The following REV3L variants were observed in gnomAD, a reference collection of about 807,000 sequenced individuals.
REV3L encodes the protein DNA polymerase zeta catalytic subunit.
Under a neutral mutation model 299.4 loss-of-function variants are expected in REV3L, and 69 were observed. The observed-to-expected ratio is 0.23, with a 90% CI of 0.19 to 0.28. The LOEUF is 0.28. Among genes scored for constraint, REV3L ranks in the 10% least tolerant of loss-of-function variants. The pLI is 1.00. For missense variants in REV3L, 3,128 were observed against 3,693.8 expected (o/e 0.85, Z 3.97); for synonymous variants, 1,238 against 1,271.4 (o/e 0.97, Z 0.56).
At chr6:111,429,517 G>A (rs938154507) in intron 1 of REV3L, among the ~76,000 whole-genome samples, 1 of 134,726 alleles carries the variant, frequency 7.4e-6, no homozygotes, top group Admixed American at 7.5e-5. Context: ...GCAATTTGTA[G>A]TGTACAATCC....
chr6:111,396,185 C>T (rs1782484212), intron 4 of REV3L, among the ~76,000 whole-genome samples: 1 of 151,972 alleles, frequency 6.6e-6, no homozygotes, highest in South Asian at 2.1e-4. Context: ...TGCCACCATA[C>T]CCAGCTAATT....
intron 26 of REV3L, among the ~76,000 whole-genome samples, chr6:111,321,133 T>C (rs1162130082): frequency 6.6e-6 from 1 of 152,218 alleles, no homozygotes; most frequent in Non-Finnish European, 1.5e-5. Flanking sequence ...TGCAAGATCT[T>C]AAATTTCTTA....
intron 18 of REV3L, among the ~76,000 whole-genome samples, chr6:111,354,371 T>A (rs1031585357): frequency 1.3e-5 from 2 of 152,158 alleles, no homozygotes; most frequent in African/African-American, 4.8e-5. Flanking sequence ...AATAACTTCG[T>A]CTCAGATAAA....
chr6:111,346,639 G>A (rs1582619629), intron 20 of REV3L, among the ~76,000 whole-genome samples: 1 of 152,144 alleles, frequency 6.6e-6, no homozygotes, highest in East Asian at 1.9e-4. Context: ...GTGTGCCACT[G>A]TACCCAGTTC....
intron 28 of REV3L, chr6:111,312,023 C>T (rs1163061434): frequency 6.6e-6 from 1 of 152,242 alleles, no homozygotes; most frequent in Non-Finnish European, 1.5e-5. Context: ...CCAGGATGGT[C>T]TCGATCTCCT....
chr6:111,422,993 C>T lies in REV3L; in HGVS notation c.140-6521G>A, dbSNP rs534276199. On this transcript the variant is annotated intron_variant, in intron 1 of 31. Transcript: ENST00000368802. ...CTGAAATACCAGATGTTTCAAAAGT[C>T]TATTTTATTCATACATTTGTCTAAT... Among the ~76,000 whole-genome samples, 8 of 152,030 alleles carry T rather than the reference C, an allele frequency of 5.3e-5. No homozygotes were observed. In the South Asian group the frequency reaches 1.7e-3, roughly 32 times the overall value.
intron 17 of REV3L, among the ~76,000 whole-genome samples, chr6:111,357,485 G>T (rs1378364263): frequency 6.6e-6 from 1 of 152,148 alleles, no homozygotes; most frequent in East Asian, 1.9e-4. Context: ...GAGGTCAGGA[G>T]ATCAAGACCA....
rs575611146 is a variant in REV3L at position 111,309,576 on chromosome 6, G to A, written c.9042+277C>T. On this transcript the variant is annotated intron_variant, in intron 30 of 31. Transcript: ENST00000368802. ...GGGTTTTTATAGGCCCAGGATTGGGGCATGGCAGGCCAAGGTGGTCTTGGA... is the reference window on the plus strand; with the variant it reads ...GGGTTTTTATAGGCCCAGGATTGGGACATGGCAGGCCAAGGTGGTCTTGGA... The A allele has an allele frequency of 6.9e-5, 19 of 273,902 alleles. No individual in the cohort carries two copies. The Admixed American group carries it at 9.5e-4, about 14-fold the overall frequency. 17.0% of individuals were successfully genotyped at this position (273,902 alleles called of 1,614,324 possible). A position where few individuals can be genotyped will look rare whatever the true frequency, so the allele number is the denominator to read the frequency against.
intron 31 of REV3L, among the ~76,000 whole-genome samples, 194 bp downstream of exon 31, chr6:111,307,166 AC>A (rs1240557662): frequency 1.3e-5 from 2 of 152,226 alleles, no homozygotes; most frequent in Non-Finnish European, 2.9e-5. Context: ...CATAAAAAAA[AC>A]AAAAAATAAA....
chr6:111,305,153 C>T (rs1314557339), intron 31 of REV3L, among the ~76,000 whole-genome samples: 1 of 151,980 alleles, frequency 6.6e-6, no homozygotes, highest in African/African-American at 2.4e-5. Flanking sequence ...ATTGGTCAGG[C>T]TGGTCTCGAA....
At chr6:111,469,845 C>T (rs1282182859) in intron 1 of REV3L, among the ~76,000 whole-genome samples, 1 of 152,152 alleles carries the variant, frequency 6.6e-6, no homozygotes, top group African/African-American at 2.4e-5. Flanking sequence ...ATTAGGCTAA[C>T]AAATGCCTAT....
At chr6:111,369,338 T>C (rs1017862761) in intron 13 of REV3L, among the ~76,000 whole-genome samples, 1 of 148,554 alleles carries the variant, frequency 6.7e-6, no homozygotes, top group African/African-American at 2.5e-5. Context: ...TTTTCTTACA[T>C]ATTGTCAGCA....
chr6:111,374,673 C>G lies in REV3L; in HGVS notation c.3682G>C (p.Asp1228His). The change falls in exon 13 of 32, where the codon GAT becomes CAT. Residue 1228 changes from aspartate to histidine, a missense_variant. This residue lies in a region of REV3L where 2,409 missense variants were observed against 2,611.8 expected (regional missense o/e 0.92). Transcript: ENST00000368802. ...GTSRKHTTLKDEKIKSQSGAE... is the reference protein window; with the variant it reads ...GTSRKHTTLKHEKIKSQSGAE... ...CCAGACTGAGATTTTATTTTTTCAT[C>G]CTTAAGTGTTGTATGCTTTCTCGAT... is the stretch of plus-strand genomic sequence containing the variant. The G allele has an allele frequency of 1.2e-6, 2 of 1,613,480 alleles. No homozygotes were observed. The highest frequency in any genetic ancestry group is 3.3e-5 in the Admixed American group (2 of 59,952).
Position 111,374,653 on chromosome 6 carries a change from C to G in REV3L, c.3702G>C (p.Gln1234His). ...TTLKDEKIKS[Q>H]SGAEVKFVLK... is the part of the protein sequence containing the mutation. ...GTACAAACTTAACCTCAGCACCAGA[C>G]TGAGATTTTATTTTTTCATCCTTAA... The change falls in exon 13 of 32, where the codon CAG becomes CAC. Residue 1234 changes from glutamine to histidine, a missense_variant. Transcript: ENST00000368802. 1 of 1,613,576 alleles carries G rather than the reference C, an allele frequency of 6.2e-7. No homozygotes were observed. Among genetic ancestry groups the G allele is most frequent in the Non-Finnish European group, 8.5e-7 (1 of 1,179,852 alleles).
intron 1 of REV3L, among the ~76,000 whole-genome samples, chr6:111,418,606 G>A (rs994324008): frequency 2.6e-5 from 4 of 152,122 alleles, no homozygotes; most frequent in African/African-American, 2.4e-5. Context: ...GGAGGTTAAC[G>A]TTCCCAAAGT....
chr6:111,437,960 T>C (rs1355255958), intron 1 of REV3L, among the ~76,000 whole-genome samples: 1 of 152,122 alleles, frequency 6.6e-6, no homozygotes, highest in Non-Finnish European at 1.5e-5. Context: ...TCTAGTGATC[T>C]TCCTGCTTCA....
intron 1 of REV3L, among the ~76,000 whole-genome samples, chr6:111,438,971 G>A (rs775950444): frequency 6.6e-6 from 1 of 152,148 alleles, no homozygotes; most frequent in Non-Finnish European, 1.5e-5. Context: ...GGAGTTTGAA[G>A]TATACATTTG....
chr6:111,422,583 T>A lies in REV3L; in HGVS notation c.140-6111A>T, dbSNP rs1378697027. ...ATTCTTTTATATATATATACACATA[T>A]ATATATATATACACATATATATATA... On this transcript the variant is annotated intron_variant, in intron 1 of 31. Transcript: ENST00000368802. 4.7e-5 allele frequency among the ~76,000 whole-genome samples: 2 copies of A among 42,958 alleles called. 1 individual carries two copies. Among genetic ancestry groups the A allele is most frequent in the Non-Finnish European group, 1.2e-4 (2 of 16,826 alleles). The allele number at this position is 42,958 out of a possible 152,430, so 28.2% of individuals were successfully genotyped here.
In REV3L at chr6:111,313,442, G is replaced by A. The variant is rs1773191933; in HGVS notation, c.8514C>T (p.Tyr2838=). 6.2e-7 allele frequency: 1 copy of A among 1,612,874 alleles called. No individual in the cohort carries two copies. Residue 2838 remains tyrosine (Y), a synonymous_variant, in exon 28 of 32, where the codon TAC becomes TAT. Transcript: ENST00000368802. ...CCTTCTGATCCAGTGTTTCATACAT[G>A]TAACCCACATACCTCTTTTTTGTTT... ...VLQTKKRYVG[Y]MYETLDQKDP...
Sources: allele counts gnomAD v4.1 joint callset (sites outside exome capture counted in the v4.1 genomes callset), GRCh38; gene constraint gnomAD v4.1.1; regional missense constraint gnomAD v4.1.1; transcripts MANE v1.5; gene names NCBI Gene and HGNC (gene_info 2026-07-23, HGNC 2026-07-21).